The following CHD9 variants were observed in gnomAD, a reference collection of about 807,000 sequenced individuals.
CHD9 encodes ATP-dependent chromatin remodeler CHD9.
CHD9 carries 77 observed loss-of-function variants against 316.1 expected under a neutral mutation model. The ratio of observed to expected loss-of-function variants is 0.24; its 90% confidence interval spans 0.20 to 0.29. The LOEUF is 0.29. CHD9 is among the 10% of genes least tolerant of loss of function. The pLI, the probability that CHD9 is intolerant of heterozygous loss-of-function variation, is 1.00. For missense variants in CHD9, 2,763 were observed against 3,438.1 expected (o/e 0.80, Z 4.91); for synonymous variants, 1,129 against 1,158.3 (o/e 0.97, Z 0.51).
chr16:53,287,706 G>A (rs929043386), intron 26 of CHD9, among the ~76,000 whole-genome samples: 2 of 152,264 alleles, frequency 1.3e-5, no homozygotes, highest in South Asian at 2.1e-4. Flanking sequence ...CGGCCTGGGC[G>A]ACAAGAGTGA....
intron 1 of CHD9, among the ~76,000 whole-genome samples, chr16:53,096,497 A>G (rs1326969252): frequency 6.6e-6 from 1 of 152,160 alleles, no homozygotes; most frequent in Non-Finnish European, 1.5e-5. Flanking sequence ...TGGAAACTCT[A>G]TAAGTTAAGT....
chr16:53,058,715 T>C (rs1245794112), intron 1 of CHD9, among the ~76,000 whole-genome samples: 1 of 152,166 alleles, frequency 6.6e-6, no homozygotes, highest in Admixed American at 6.5e-5. Flanking sequence ...TGAGAGATGA[T>C]GAAATTGACG....
intron 1 of CHD9, among the ~76,000 whole-genome samples, chr16:53,103,545 C>G (rs947005075): frequency 1.3e-5 from 2 of 152,162 alleles, no homozygotes; most frequent in South Asian, 2.1e-4. Flanking sequence ...TTACAGCCAG[C>G]TTGTTAAATA....
At position 53,299,969 on chromosome 16, in the gene CHD9, C is replaced by CAT. The variant is rs569528035; in HGVS notation, c.5713+2811_5713+2812insAT. Among the ~76,000 whole-genome samples the CAT allele has an allele frequency of 4.7e-4, 72 of 152,342 alleles. 2 individuals carry two copies. The South Asian group carries it at 0.013, about 28-fold the overall frequency. ...ACCTTTGTTACAAGTGTTACATTTA[C>CAT]TTTAGCTTAAAATGCACATTAGAAG... On this transcript the variant is annotated intron_variant, in intron 30 of 38. Transcript: ENST00000447540.
Position 53,324,529 on chromosome 16 carries a change from A to G in CHD9, c.8328A>G (p.Thr2776=). The change falls in exon 39 of 39, where the codon ACA becomes ACG. Residue 2776 remains threonine, a synonymous_variant. Transcript: ENST00000447540. ...GENSVSSSPS[T]SSTAALNTAA... ...ACTCTGTGTCAAGTTCTCCTTCCAC[A>G]TCCTCTACTGCTGCATTAAATACAG... is the stretch of plus-strand genomic sequence containing the variant. 1 of 1,613,904 alleles carries G rather than the reference A, an allele frequency of 6.2e-7. No homozygotes were observed. Among genetic ancestry groups the G allele is most frequent in the Non-Finnish European group, 8.5e-7 (1 of 1,179,854 alleles).
intron 2 of CHD9, among the ~76,000 whole-genome samples, chr16:53,160,128 T>C (rs991368140): frequency 6.6e-6 from 1 of 152,222 alleles, no homozygotes; most frequent in Non-Finnish European, 1.5e-5. Context: ...CTTAGGTGCA[T>C]CTATCTACTT....
At chr16:53,220,222 T>C (rs1218096395) in intron 3 of CHD9, among the ~76,000 whole-genome samples, 1 of 152,232 alleles carries the variant, frequency 6.6e-6, no homozygotes, top group Non-Finnish European at 1.5e-5. Context: ...AAGCTGTATT[T>C]CTTACTGTTA....
intron 2 of CHD9, among the ~76,000 whole-genome samples, chr16:53,173,232 G>A (rs532828320): frequency 1.3e-5 from 2 of 151,286 alleles, no homozygotes; most frequent in South Asian, 4.2e-4. Flanking sequence ...GGTCTCCTTA[G>A]GTTATCTGTG....
intron 1 of CHD9, among the ~76,000 whole-genome samples, chr16:53,067,317 A>G (rs1161840597): frequency 6.6e-6 from 1 of 152,226 alleles, no homozygotes; most frequent in African/African-American, 2.4e-5. Context: ...GATATGGTAC[A>G]TTTGTTACAA....
rs75798214 is a variant in CHD9, at chr16:53,245,032, C to T, written c.3055-304C>T. Among the ~76,000 whole-genome samples the T allele has an allele frequency of 5.9e-5, 9 of 152,144 alleles. No individual in the cohort carries two copies. Among genetic ancestry groups the T allele is most frequent in the Admixed American group, 3.9e-4 (6 of 15,288 alleles). Reference sequence around the variant, plus strand: ...TCGGGAGTCTGAGGCAGGAGGATCCCTTAAGCCCAGGAGTTCAAGGTTACA... The same window carrying T: ...TCGGGAGTCTGAGGCAGGAGGATCCTTTAAGCCCAGGAGTTCAAGGTTACA... On this transcript the variant is annotated intron_variant, in intron 13 of 38. Transcript: ENST00000447540. The surrounding 1 kb of genome is among the most constrained non-coding windows in gnomAD (Gnocchi z 4.1).
At chr16:53,189,839 C>T (rs1247079101) in intron 2 of CHD9, among the ~76,000 whole-genome samples, 2 of 152,084 alleles carry the variant, frequency 1.3e-5, no homozygotes, top group South Asian at 2.1e-4. Context: ...ATATTTTATT[C>T]AAATATTTGA....
chr16:53,209,832 A>C lies in CHD9; in HGVS notation c.1784+19A>C. On this transcript the variant is annotated intron_variant, in intron 3 of 38. Coordinates refer to ENST00000447540, the MANE Select transcript of CHD9 (RefSeq NM_001308319.2). ...AAATTGGGTAAGTTGGTTAAGAATT[A>C]AATTTAATTCCTTTCAATGTTCTGT... is the stretch of plus-strand genomic sequence containing the variant. The C allele has an allele frequency of 2.0e-6, 3 of 1,471,806 alleles. No homozygotes were observed. In the South Asian group the frequency reaches 3.9e-5, roughly 19 times the overall value. The allele number at this position is 1,471,806 out of a possible 1,614,324, so 91.2% of individuals were successfully genotyped here.
chr16:53,089,967 C>T (rs1016504936), intron 1 of CHD9, among the ~76,000 whole-genome samples: 4 of 152,178 alleles, frequency 2.6e-5, no homozygotes, highest in South Asian at 2.1e-4. Flanking sequence ...GGGGAGGCCA[C>T]GCTGGTTGCA....
At chr16:53,224,775 A>G (rs1200121439) in intron 4 of CHD9, among the ~76,000 whole-genome samples, 1 of 152,242 alleles carries the variant, frequency 6.6e-6, no homozygotes, top group Non-Finnish European at 1.5e-5. Context: ...TTGAACATTA[A>G]GATCTATATG....
chr16:53,159,568 G>GA (rs1597212578), intron 2 of CHD9, among the ~76,000 whole-genome samples: 2 of 151,986 alleles, frequency 1.3e-5, no homozygotes, highest in East Asian at 3.9e-4. Context: ...ATTTGAAAAA[G>GA]AAAAAATCTT....
At chr16:53,314,297 A>G in intron 34 of CHD9, 80 bp from the exon 35 acceptor site, 1 of 1,002,694 alleles carries the variant, frequency 1.0e-6, no homozygotes, top group African/African-American at 1.7e-5. Flanking sequence ...TAACACTTTC[A>G]TATATTTAGG....
intron 1 of CHD9, among the ~76,000 whole-genome samples, chr16:53,100,453 CTTT>C (rs61450186): frequency 1.0e-4 from 13 of 129,642 alleles, no homozygotes; most frequent in East Asian, 6.7e-4. Context: ...ACTCATTCGT[CTTT>C]TTTTTTTTTT....
chr16:53,214,988 C>T (rs1410015985), intron 3 of CHD9, among the ~76,000 whole-genome samples: 1 of 150,840 alleles, frequency 6.6e-6, no homozygotes, highest in Non-Finnish European at 1.5e-5. Context: ...TCTCCGCTCA[C>T]TGCAAGCTCC....
At chr16:53,114,922 TTTGA>T (rs57878146) in intron 1 of CHD9, among the ~76,000 whole-genome samples, 41,212 of 151,714 alleles carry the variant, frequency 0.27, 6,987 homozygotes, top group Non-Finnish European at 0.38. Flanking sequence ...AGCACAAGTA[TTTGA>T]TTGATTGATT....
Sources: gnomAD v4.1 joint callset for allele counts (sites outside exome capture counted in the v4.1 genomes callset) on GRCh38, gnomAD v4.1.1 for gene constraint, Gnocchi (gnomAD v3.1) non-coding constraint, MANE v1.5 for transcripts, NCBI Gene and HGNC (gene_info 2026-07-23, HGNC 2026-07-21) for gene names.